Variants in PHKB observed in about 807,000 individuals in gnomAD.
PHKB encodes phosphorylase b kinase regulatory subunit beta.
PHKB carries 122 observed loss-of-function variants against 152.1 expected under a neutral mutation model. That is an observed-to-expected ratio of 0.80 (90% CI 0.69 to 0.93). The LOEUF (loss-of-function observed/expected upper bound fraction) is 0.93. Among genes scored for constraint, PHKB ranks in the 40% least tolerant of loss-of-function variants. PHKB has a pLI of 0.00. For synonymous variants in PHKB, 436 were observed against 464.9 expected (o/e 0.94, Z 0.80); for missense variants, 1,304 against 1,328.4 (o/e 0.98, Z 0.29).
chr16:47,630,317 A>C (rs994890294), intron 14 of PHKB, among the ~76,000 whole-genome samples: 3 of 152,110 alleles, frequency 2.0e-5, no homozygotes, highest in Non-Finnish European at 4.4e-5. Context: ...CCTTGTCTCT[A>C]CTAAAAATAC....
chr16:47,689,068 A>T lies in PHKB; in HGVS notation c.2658A>T (p.Glu886Asp), dbSNP rs1277313847. The T allele has an allele frequency of 1.9e-6, 3 of 1,613,938 alleles. No homozygotes were observed. In the African/African-American group the frequency reaches 4.0e-5, roughly 22 times the overall value. Residue 886 changes from glutamate (E) to aspartate (D), a missense_variant, in exon 27 of 31, where the codon GAA becomes GAT. Glu to Asp is a conservative substitution (Grantham distance 45). Transcript: ENST00000323584. Reference sequence around the variant, plus strand: ...GGATCATCCATGCCATGGAGTATGAACTTCAGATCCGTGGCGGAGACAAGC... The same window carrying T: ...GGATCATCCATGCCATGGAGTATGATCTTCAGATCCGTGGCGGAGACAAGC... ...IGWIIHAMEY[E>D]LQIRGGDKPA...
At chr16:47,589,558 A>G (rs1198714672) in intron 10 of PHKB, among the ~76,000 whole-genome samples, 1 of 152,224 alleles carries the variant, frequency 6.6e-6, no homozygotes, top group Non-Finnish European at 1.5e-5. Flanking sequence ...CTGATAGGCC[A>G]TTCCATCTTC....
At chr16:47,641,810 T>C (rs1973027963) in intron 16 of PHKB, 118 bp downstream of exon 16, 3 of 696,042 alleles carry the variant, frequency 4.3e-6, no homozygotes, top group Non-Finnish European at 7.9e-6. Flanking sequence ...GGACCAGTAA[T>C]CCAAAAGCTT....
At chr16:47,698,378 C>G in intron 29 of PHKB, 70 bp from the exon 30 acceptor site, 1 of 1,137,192 alleles carries the variant, frequency 8.8e-7, no homozygotes, top group Non-Finnish European at 1.3e-6. Flanking sequence ...ACCCATCCAT[C>G]TGATCAAAGG....
intron 1 of PHKB, among the ~76,000 whole-genome samples, chr16:47,472,636 A>C (rs1969791303): frequency 6.6e-6 from 1 of 152,134 alleles, no homozygotes; most frequent in Non-Finnish European, 1.5e-5. Flanking sequence ...CAAAAAAGTT[A>C]GCGAGGCGTG....
intron 1 of PHKB, among the ~76,000 whole-genome samples, chr16:47,487,395 A>G (rs995945480): frequency 1.4e-5 from 2 of 147,118 alleles, no homozygotes; most frequent in African/African-American, 5.1e-5. Flanking sequence ...CAAATGTTAT[A>G]TTATTAGGTA....
At chr16:47,501,707 C>CT (rs771874295) in intron 3 of PHKB, among the ~76,000 whole-genome samples, 1 of 152,118 alleles carries the variant, frequency 6.6e-6, no homozygotes, top group Non-Finnish European at 1.5e-5. Context: ...ATCCTTTTAA[C>CT]TTTTTTGTAG....
chr16:47,622,905 A>C (rs1447143378), intron 14 of PHKB, among the ~76,000 whole-genome samples: 1 of 152,238 alleles, frequency 6.6e-6, no homozygotes, highest in Non-Finnish European at 1.5e-5. Flanking sequence ...TTCTCCTCTA[A>C]ATATACAAAT....
chr16:47,467,046 A>G (rs1249800525), intron 1 of PHKB, among the ~76,000 whole-genome samples: 2 of 152,246 alleles, frequency 1.3e-5, no homozygotes, highest in Non-Finnish European at 1.5e-5. Flanking sequence ...AAAACCTACC[A>G]GGAGAGATTA....
intron 20 of PHKB, among the ~76,000 whole-genome samples, chr16:47,658,418 T>C (rs897178771): frequency 1.3e-5 from 2 of 152,158 alleles, no homozygotes; most frequent in Non-Finnish European, 2.9e-5. Flanking sequence ...TTCTTATTTC[T>C]ACTTTGCACT....
At chr16:47,651,017 C>A in intron 20 of PHKB, 96 bp downstream of exon 20, 2 of 914,262 alleles carry the variant, frequency 2.2e-6, no homozygotes, top group Non-Finnish European at 3.6e-6. Flanking sequence ...AGGTTTTTGA[C>A]TTAAGGTTTT....
intron 26 of PHKB, among the ~76,000 whole-genome samples, chr16:47,670,609 A>C (rs1271359044): frequency 4.6e-5 from 7 of 151,700 alleles, no homozygotes; most frequent in Non-Finnish European, 1.0e-4. Context: ...TCCACCTCAG[A>C]CTCCCAAGTG....
At chr16:47,544,745 G>T (rs1971127786) in intron 6 of PHKB, among the ~76,000 whole-genome samples, 1 of 152,140 alleles carries the variant, frequency 6.6e-6, no homozygotes, top group African/African-American at 2.4e-5. Flanking sequence ...AAGTCTCTAA[G>T]GACTTGCTTT....
intron 1 of PHKB, among the ~76,000 whole-genome samples, chr16:47,495,167 T>C (rs186921823): frequency 3.9e-5 from 6 of 151,988 alleles, no homozygotes; most frequent in Admixed American, 2.6e-4. Flanking sequence ...TTTGTTTATT[T>C]ATTGTTGCCT....
chr16:47,572,470 A>G (rs1971677957), intron 7 of PHKB, among the ~76,000 whole-genome samples: 2 of 152,166 alleles, frequency 1.3e-5, no homozygotes. Context: ...TGAATTGGTT[A>G]CTAGCATCTA....
intron 14 of PHKB, among the ~76,000 whole-genome samples, chr16:47,616,547 T>G (rs1040171895): frequency 6.9e-6 from 1 of 145,930 alleles, no homozygotes; most frequent in Non-Finnish European, 1.5e-5. Flanking sequence ...AATATAAATA[T>G]AAAACATATG....
At chr16:47,617,522 A>G (rs959356559) in intron 14 of PHKB, among the ~76,000 whole-genome samples, 1 of 152,010 alleles carries the variant, frequency 6.6e-6, no homozygotes, top group Non-Finnish European at 1.5e-5. Flanking sequence ...GTTACCTCAT[A>G]TAAGTGGAAT....
intron 14 of PHKB, among the ~76,000 whole-genome samples, chr16:47,611,193 G>C: frequency 6.6e-6 from 1 of 152,150 alleles, no homozygotes; most frequent in Admixed American, 6.5e-5. Context: ...AAGAAGCAGT[G>C]CATCTGGGTG....
At chr16:47,629,410 AAC>A (rs1318135454) in intron 14 of PHKB, among the ~76,000 whole-genome samples, 2 of 152,052 alleles carry the variant, frequency 1.3e-5, no homozygotes, top group East Asian at 3.9e-4. Context: ...GCAGCCAAAA[AAC>A]ACATGAAAAA....
Sources: gnomAD v4.1 joint callset for allele counts (sites outside exome capture counted in the v4.1 genomes callset) on GRCh38, gnomAD v4.1.1 for gene constraint, MANE v1.5 for transcripts, NCBI Gene and HGNC (gene_info 2026-07-23, HGNC 2026-07-21) for gene names.